Variants in CRMP1 observed in about 807,000 individuals in gnomAD.
CRMP1 encodes collapsin response mediator protein 1.
In CRMP1, 19 loss-of-function variants were observed where a neutral mutation model predicts 68.3. The ratio of observed to expected loss-of-function variants is 0.28; its 90% CI spans 0.19 to 0.41. CRMP1 has a LOEUF of 0.41. Among genes scored for constraint, CRMP1 ranks in the 10% least tolerant of loss-of-function variants. The pLI, the probability that CRMP1 is intolerant of heterozygous loss-of-function variation, is 1.00. For synonymous variants in CRMP1, 439 were observed against 399.6 expected (o/e 1.10, Z -1.18); for missense variants, 791 against 967.4 (o/e 0.82, Z 2.42).
intron 6 of CRMP1, among the ~76,000 whole-genome samples, chr4:5,847,392 CATCA>C (rs1712302859): frequency 6.6e-6 from 1 of 152,120 alleles, no homozygotes; most frequent in Non-Finnish European, 1.5e-5. Context: ...GGGAGAGGAA[CATCA>C]ATCATGGGGG....
chr4:5,825,565 G>T lies in CRMP1; in HGVS notation c.1898C>A (p.Ala633Asp). ...TPKYATPAPS[A>D]KSSPSKHQPP... ...CTGGTGTTTAGAAGGCGAAGATTTG[G>T]CTGAAGGAGCGGGAGTTGCATATTT... Residue 633 changes from alanine to aspartate, a missense_variant, in exon 13 of 14, where the codon GCC becomes GAC. Ala to Asp is a moderately radical substitution (Grantham distance 126, BLOSUM62 -2). Coordinates refer to ENST00000324989, the MANE Select transcript of CRMP1 (RefSeq NM_001014809.3). The surrounding 1 kb of genome is among the most constrained non-coding windows in gnomAD (Gnocchi z 4.4). 6.3e-7 allele frequency: 1 copy of T among 1,599,584 alleles called. No homozygotes were observed. Among genetic ancestry groups the T allele is most frequent in the Non-Finnish European group, 8.5e-7 (1 of 1,175,322 alleles).
rs371444639 is a variant in CRMP1 at position 5,822,244 on chromosome 4, C to T, written c.1970-393G>A. ...AGGGGGTGTTTGTACTCCCAACTTACGGGTGAGCAATTTGAGGTTCAGGCC... is the reference window on the plus strand; with the variant it reads ...AGGGGGTGTTTGTACTCCCAACTTATGGGTGAGCAATTTGAGGTTCAGGCC... On this transcript the variant is annotated intron_variant, in intron 13 of 13. Transcript: ENST00000324989. Among the ~76,000 whole-genome samples the T allele has an allele frequency of 1.1e-4, 17 of 152,326 alleles. 1 individual carries two copies. The Middle Eastern group carries it at 0.02, about 183-fold the overall frequency.
Position 5,889,875 on chromosome 4 carries a change from C to T in CRMP1, c.381+2714G>A. The T allele has an allele frequency of 2.1e-6, 3 of 1,426,504 alleles. No homozygotes were observed. The South Asian group carries it at 4.5e-5, about 22-fold the overall frequency. 88.4% of individuals were successfully genotyped at this position (1,426,504 alleles called of 1,614,324 possible). ...AAATAGAGGTGAGGTTTTAGCTTCA[C>T]AGAGAAGCCAGCTCAGTATCCCAGG... On this transcript the variant is annotated intron_variant, in intron 1 of 13. Transcript: ENST00000324989. This position sits in a 1 kb window ranked among gnomAD's most constrained non-coding sequence, Gnocchi z 4.5.
chr4:5,864,147 G>A (rs1230106173), intron 2 of CRMP1, among the ~76,000 whole-genome samples: 2 of 152,146 alleles, frequency 1.3e-5, no homozygotes, highest in Admixed American at 6.5e-5. Context: ...CTCAACCCAT[G>A]GCCACTTGCT....
In CRMP1 at chr4:5,890,779, G is replaced by A. The variant is rs550032348; in HGVS notation, c.381+1810C>T. Among the ~76,000 whole-genome samples the A allele has an allele frequency of 9.8e-5, 15 of 152,290 alleles. No homozygotes were observed. The South Asian group carries it at 3.1e-3, about 32-fold the overall frequency. ...GCGGGGCTGGCCCAGGCTGCGCCCTGGGGGAGATGCTGGCGTTGGTGACAT... is the reference window on the plus strand; with the variant it reads ...GCGGGGCTGGCCCAGGCTGCGCCCTAGGGGAGATGCTGGCGTTGGTGACAT... On this transcript the variant is annotated intron_variant, in intron 1 of 13. Coordinates refer to ENST00000324989, the MANE Select transcript of CRMP1 (RefSeq NM_001014809.3). The surrounding 1 kb of genome is among the most constrained non-coding windows in gnomAD (Gnocchi z 5.5).
In CRMP1 at chr4:5,883,687, CCCA is replaced by C. The variant is rs1386901809; in HGVS notation, c.381+8899_381+8901del. 6.6e-6 allele frequency among the ~76,000 whole-genome samples: 1 copy of C among 151,674 alleles called. No homozygotes were observed. The highest frequency in any genetic ancestry group is 1.5e-5 in the Non-Finnish European group (1 of 67,806). On this transcript the variant is annotated intron_variant, in intron 1 of 13. Transcript: ENST00000324989. This position sits in a 1 kb window ranked among gnomAD's most constrained non-coding sequence, Gnocchi z 4.5. ...ACACACACACACACACACATGCTTGCCCACCACACCTGCTGGTTAGCTACCATT... is the reference window on the plus strand; with the variant it reads ...ACACACACACACACACACATGCTTGCCCACACCTGCTGGTTAGCTACCATT...
Position 5,865,899 on chromosome 4 carries a change from G to A in CRMP1, c.470+769C>T, listed in dbSNP as rs1713963287. ...CCTGTGAGGACAGCCAGAAGGTGGT[G>A]TCTGCAAGCCAGAAGGTGGTGTCTG... On this transcript the variant is annotated intron_variant, in intron 2 of 13. Coordinates refer to ENST00000324989, the MANE Select transcript of CRMP1 (RefSeq NM_001014809.3). This position sits in a 1 kb window ranked among gnomAD's most constrained non-coding sequence, Gnocchi z 4.1. Among the ~76,000 whole-genome samples the A allele has an allele frequency of 6.6e-6, 1 of 152,092 alleles. No homozygotes were observed. Among genetic ancestry groups the A allele is most frequent in the South Asian group, 2.1e-4 (1 of 4,824 alleles).
chr4:5,890,156 C>T lies in CRMP1; in HGVS notation c.381+2433G>A. On this transcript the variant is annotated intron_variant, in intron 1 of 13. Transcript: ENST00000324989. This position sits in a 1 kb window ranked among gnomAD's most constrained non-coding sequence, Gnocchi z 5.5. The stretch of plus-strand genomic sequence containing the variant: ...CCCTCCCCAACTCCTACACTCCCTT[C>T]CTTGGAGTTGTTAAGTCCTAGGTTC... 5.3e-6 allele frequency: 1 copy of T among 187,110 alleles called. No individual in the cohort carries two copies. The highest frequency in any genetic ancestry group is 1.1e-5 in the Non-Finnish European group (1 of 88,532). 11.6% of individuals were successfully genotyped at this position (187,110 alleles called of 1,614,324 possible).
chr4:5,868,145 G>C (rs994546374), intron 1 of CRMP1, among the ~76,000 whole-genome samples: 7 of 151,648 alleles, frequency 4.6e-5, no homozygotes, highest in Non-Finnish European at 1.0e-4. Flanking sequence ...CAGAGGAAAT[G>C]ATATGCAAGT....
chr4:5,828,151 C>A, intron 12 of CRMP1: 1 of 985,430 alleles, frequency 1.0e-6, no homozygotes, highest in Non-Finnish European at 1.2e-6. Flanking sequence ...AAAGGAGGAT[C>A]ACAGCACCTC....
chr4:5,866,539 G>T lies in CRMP1; in HGVS notation c.470+129C>A. 1 of 651,504 alleles carries T rather than the reference G, an allele frequency of 1.5e-6. No homozygotes were observed. The highest frequency in any genetic ancestry group is 2.6e-6 in the Non-Finnish European group (1 of 378,764). 40.4% of individuals were successfully genotyped at this position (651,504 alleles called of 1,614,324 possible). Reference sequence around the variant, plus strand: ...TGTGCACCTCCCCCAACCTCTGTGAGGTCTCTACCCCTGAAACACAGGTAC... The same window carrying T: ...TGTGCACCTCCCCCAACCTCTGTGATGTCTCTACCCCTGAAACACAGGTAC... On this transcript the variant is annotated intron_variant, in intron 2 of 13. Transcript: ENST00000324989. This position sits in a 1 kb window ranked among gnomAD's most constrained non-coding sequence, Gnocchi z 5.9.
At chr4:5,833,307 C>T (rs1426863049) in intron 11 of CRMP1, among the ~76,000 whole-genome samples, 1 of 131,930 alleles carries the variant, frequency 7.6e-6, no homozygotes, top group African/African-American at 3.0e-5. Flanking sequence ...GCTGGGACTA[C>T]AGGCGCCCGC....
At chr4:5,852,742 G>C (rs1038089405) in intron 4 of CRMP1, among the ~76,000 whole-genome samples, 2 of 152,188 alleles carry the variant, frequency 1.3e-5, no homozygotes, top group Non-Finnish European at 2.9e-5. Context: ...TGGGGTGTGG[G>C]AGTATCAGCA....
At chr4:5,847,436 A>G (rs929452770) in intron 6 of CRMP1, among the ~76,000 whole-genome samples, 1 of 152,180 alleles carries the variant, frequency 6.6e-6, no homozygotes, top group Non-Finnish European at 1.5e-5. Context: ...GAAGTCTCAG[A>G]TGTGGCCCTA....
At chr4:5,887,829 G>A in intron 1 of CRMP1, 1 of 998,668 alleles carries the variant, frequency 1.0e-6, no homozygotes, top group Non-Finnish European at 1.2e-6. Context: ...GGACGGTGCG[G>A]GGGCCGAGCC....
Position 5,825,485 on chromosome 4 carries a change from C to T in CRMP1, c.1969+9G>A. ...ATTGTGGGGAGCCTGGGCCACCACT[C>T]TTTCCTACCTGATAAGCTGAAGTTG... is the stretch of plus-strand genomic sequence containing the variant. On this transcript the variant is annotated intron_variant, in intron 13 of 13. Transcript: ENST00000324989. The surrounding 1 kb of genome is among the most constrained non-coding windows in gnomAD (Gnocchi z 4.4). The T allele has an allele frequency of 6.4e-7, 1 of 1,564,078 alleles. No homozygotes were observed. Among genetic ancestry groups the T allele is most frequent in the Non-Finnish European group, 8.6e-7 (1 of 1,162,508 alleles).
chr4:5,827,252 C>G (rs929638469), intron 12 of CRMP1, among the ~76,000 whole-genome samples: 3 of 152,240 alleles, frequency 2.0e-5, no homozygotes, highest in Admixed American at 6.5e-5. Flanking sequence ...AGGGGTGTGT[C>G]TGCCTCTTCA....
Position 5,865,824 on chromosome 4 carries a change from C to T in CRMP1, c.470+844G>A, listed in dbSNP as rs1713957135. 6.6e-6 allele frequency among the ~76,000 whole-genome samples: 1 copy of T among 151,946 alleles called. No homozygotes were observed. Among genetic ancestry groups the T allele is most frequent in the African/African-American group, 2.4e-5 (1 of 41,374 alleles). ...GGCTGGAATCCAACAAAACTGGTGACCTTAGAAGAAGAGACCCCAGGAGTG... is the reference window on the plus strand; with the variant it reads ...GGCTGGAATCCAACAAAACTGGTGATCTTAGAAGAAGAGACCCCAGGAGTG... On this transcript the variant is annotated intron_variant, in intron 2 of 13. Coordinates refer to ENST00000324989, the MANE Select transcript of CRMP1 (RefSeq NM_001014809.3). The surrounding 1 kb of genome is among the most constrained non-coding windows in gnomAD (Gnocchi z 4.1).
intron 6 of CRMP1, among the ~76,000 whole-genome samples, chr4:5,846,154 G>A (rs1023843568): frequency 1.3e-5 from 2 of 152,076 alleles, no homozygotes; most frequent in African/African-American, 2.4e-5. Context: ...AAATTAGCTA[G>A]GCGTGGTGGC....
Sources: allele counts gnomAD v4.1 joint callset (sites outside exome capture counted in the v4.1 genomes callset), GRCh38; gene constraint gnomAD v4.1.1; non-coding constraint Gnocchi (gnomAD v3.1); transcripts MANE v1.5; gene names NCBI Gene and HGNC (gene_info 2026-07-23, HGNC 2026-07-21).